The following ASTN2 variants were observed in gnomAD, a reference collection of about 807,000 sequenced individuals.
The protein encoded by ASTN2 is astrotactin 2, also known as astrotactin-2.
In ASTN2, 54 loss-of-function variants were observed where a neutral mutation model predicts 139.8. The ratio of observed to expected loss-of-function variants is 0.39; its 90% confidence interval spans 0.31 to 0.48. The LOEUF (loss-of-function observed/expected upper bound fraction) is 0.48. ASTN2 is among the 20% of genes least tolerant of loss of function. ASTN2 has a pLI of 0.95. For synonymous variants in ASTN2, 756 were observed against 719.5 expected (o/e 1.05, Z -0.81); for missense variants, 1,565 against 1,725.1 (o/e 0.91, Z 1.64).
chr9:116,863,606 G>C lies in ASTN2; in HGVS notation c.2017C>G (p.Gln673Glu). 1 of 1,614,146 alleles carries C rather than the reference G, an allele frequency of 6.2e-7. No homozygotes were observed. Among genetic ancestry groups the C allele is most frequent in the South Asian group, 1.1e-5 (1 of 91,068 alleles). The change falls in exon 11 of 23, where the codon CAG becomes GAG. Residue 673 changes from glutamine (Q) to glutamate (E), a missense_variant. This residue lies in a region of ASTN2 where 503 missense variants were observed against 591.7 expected (regional missense o/e 0.85). Transcript: ENST00000313400. ...TRNFKCVSDRQVDSSGCVCPE... is the reference protein window; with the variant it reads ...TRNFKCVSDREVDSSGCVCPE... ...ACCACACATCCCGAGGAATCCACCT[G>C]CCGGTCAGACACACACTTGAAGTTG...
chr9:117,337,423 AT>A (rs1326347648), intron 1 of ASTN2, among the ~76,000 whole-genome samples: 1 of 152,162 alleles, frequency 6.6e-6, no homozygotes, highest in African/African-American at 2.4e-5. Context: ...TTAATTCTTT[AT>A]TATCTACCAT....
At chr9:116,895,912 T>G (rs1588391947) in intron 10 of ASTN2, among the ~76,000 whole-genome samples, 2 of 152,322 alleles carry the variant, frequency 1.3e-5, no homozygotes. Context: ...GTTATTACAA[T>G]AAAACTTCAT....
At chr9:116,537,280 C>A (rs1564352828) in intron 19 of ASTN2, among the ~76,000 whole-genome samples, 1 of 152,164 alleles carries the variant, frequency 6.6e-6, no homozygotes, top group Admixed American at 6.5e-5. Context: ...CATCTTGGAA[C>A]CCAAATTTCT....
rs530257968 is a variant in ASTN2 at position 117,340,395 on chromosome 9, C to T, written c.443-48882G>A. Among the ~76,000 whole-genome samples, 112 of 143,738 alleles carry T rather than the reference C, an allele frequency of 7.8e-4. 1 individual carries two copies. The highest frequency in any genetic ancestry group is 2.7e-3 in the African/African-American group (106 of 38,574). The allele number at this position is 143,738 out of a possible 152,430, so 94.3% of individuals were successfully genotyped here. ...GAGAGGAGGAGGGGTATGACTACTTCGGGGAAGAGATGTAGCCTGGCAGGA... is the reference window on the plus strand; with the variant it reads ...GAGAGGAGGAGGGGTATGACTACTTTGGGGAAGAGATGTAGCCTGGCAGGA... On this transcript the variant is annotated intron_variant, in intron 1 of 22. Coordinates refer to ENST00000313400, the MANE Select transcript of ASTN2 (RefSeq NM_001365068.1).
chr9:116,639,965 T>C (rs998441277), intron 17 of ASTN2, among the ~76,000 whole-genome samples: 2 of 152,218 alleles, frequency 1.3e-5, no homozygotes, highest in Non-Finnish European at 1.5e-5. Flanking sequence ...ATTTCTACTA[T>C]GCATCAGGCA....
intron 1 of ASTN2, among the ~76,000 whole-genome samples, chr9:117,382,373 C>T (rs1257756588): frequency 6.6e-6 from 1 of 152,124 alleles, no homozygotes; most frequent in Non-Finnish European, 1.5e-5. Flanking sequence ...TTATTTTGCA[C>T]CTAATATGTG....
chr9:116,533,257 T>G (rs1287672952), intron 19 of ASTN2, among the ~76,000 whole-genome samples: 1 of 152,248 alleles, frequency 6.6e-6, no homozygotes, highest in African/African-American at 2.4e-5. Context: ...AAGGGGATTT[T>G]GGGCTGAGAC....
At chr9:116,756,326 A>G (rs549938864) in intron 13 of ASTN2, among the ~76,000 whole-genome samples, 4 of 152,296 alleles carry the variant, frequency 2.6e-5, no homozygotes, top group Admixed American at 6.5e-5. Flanking sequence ...CCTATTATAG[A>G]ACCTATCTAA....
chr9:116,706,531 G>A (rs1182907523), intron 16 of ASTN2, among the ~76,000 whole-genome samples: 2 of 152,020 alleles, frequency 1.3e-5, no homozygotes, highest in Admixed American at 6.6e-5. Flanking sequence ...TTGAGAACTC[G>A]CTGCTCTCTG....
chr9:116,847,407 C>A (rs1331297314), intron 11 of ASTN2, among the ~76,000 whole-genome samples: 3 of 152,142 alleles, frequency 2.0e-5, no homozygotes, highest in Non-Finnish European at 4.4e-5. Context: ...AGCCACCGTG[C>A]CCAGCTGAGG....
At chr9:116,831,212 T>C (rs1391300173) in intron 11 of ASTN2, among the ~76,000 whole-genome samples, 8 of 151,788 alleles carry the variant, frequency 5.3e-5, no homozygotes, top group African/African-American at 1.7e-4. Context: ...AATGGAAGGG[T>C]GGGAAGAGTA....
intron 7 of ASTN2, among the ~76,000 whole-genome samples, chr9:117,006,864 C>T (rs1837367182): frequency 6.6e-6 from 1 of 152,122 alleles, no homozygotes; most frequent in Admixed American, 6.5e-5. Flanking sequence ...CACGTGTAAT[C>T]CCAGCACTTT....
At chr9:116,570,281 A>G (rs1853444078) in intron 19 of ASTN2, among the ~76,000 whole-genome samples, 1 of 152,236 alleles carries the variant, frequency 6.6e-6, no homozygotes, top group South Asian at 2.1e-4. Context: ...TCAATATAAG[A>G]ATAACCAAAT....
chr9:117,404,457 G>C (rs10818035), intron 1 of ASTN2, among the ~76,000 whole-genome samples: 1 of 151,890 alleles, frequency 6.6e-6, no homozygotes, highest in Non-Finnish European at 1.5e-5. Flanking sequence ...TGAAGGAGTT[G>C]GGTTGGATCT....
intron 16 of ASTN2, chr9:116,686,637 T>C: frequency 6.7e-7 from 1 of 1,495,348 alleles, no homozygotes; most frequent in South Asian, 1.2e-5. Context: ...ACCTCCCACC[T>C]GGTAAGATTC....
intron 4 of ASTN2, among the ~76,000 whole-genome samples, chr9:117,139,322 G>A (rs1391489371): frequency 6.6e-6 from 1 of 152,146 alleles, no homozygotes; most frequent in Non-Finnish European, 1.5e-5. Context: ...GTAGGGCTTG[G>A]CATCCTCATT....
chr9:116,916,996 T>G (rs2132429438), intron 10 of ASTN2, among the ~76,000 whole-genome samples: 1 of 152,252 alleles, frequency 6.6e-6, no homozygotes, highest in Non-Finnish European at 1.5e-5. Flanking sequence ...TGGAGATTTT[T>G]TTTTTCTCCC....
intron 2 of ASTN2, among the ~76,000 whole-genome samples, chr9:117,254,837 C>A (rs1833640345): frequency 6.6e-6 from 1 of 152,122 alleles, no homozygotes; most frequent in Non-Finnish European, 1.5e-5. Context: ...TCTATTCAGT[C>A]CTTTCTGTTC....
chr9:117,130,976 T>A (rs1489913365), intron 4 of ASTN2, among the ~76,000 whole-genome samples: 3 of 152,234 alleles, frequency 2.0e-5, no homozygotes, highest in Non-Finnish European at 4.4e-5. Context: ...TAATCATGTA[T>A]ATCTCAATCA....
Sources: allele counts gnomAD v4.1 joint callset (sites outside exome capture counted in the v4.1 genomes callset), GRCh38; gene constraint gnomAD v4.1.1; regional missense constraint gnomAD v4.1.1; transcripts MANE v1.5; gene names NCBI Gene and HGNC (gene_info 2026-07-23, HGNC 2026-07-21).